Variants in LRRC4C observed in about 807,000 individuals in gnomAD.
LRRC4C encodes leucine-rich repeat-containing protein 4C.
In LRRC4C, 5 loss-of-function variants were observed where a neutral mutation model predicts 33.6. The ratio of observed to expected loss-of-function variants is 0.15; its 90% CI spans 0.08 to 0.31. The LOEUF (loss-of-function observed/expected upper bound fraction) is 0.31, where lower values mean the gene tolerates loss of function less well. LRRC4C is among the 10% of genes least tolerant of loss of function. LRRC4C has a pLI of 1.00. For synonymous variants in LRRC4C, 329 were observed against 302.0 expected (o/e 1.09, Z -0.93); for missense variants, 560 against 796.7 (o/e 0.70, Z 3.58).
At chr11:41,080,567 G>A (rs1939499571) in intron 1 of LRRC4C, among the ~76,000 whole-genome samples, 1 of 151,894 alleles carries the variant, frequency 6.6e-6, no homozygotes, top group African/African-American at 2.4e-5. Context: ...TGGTCAGGCT[G>A]GTCTCGAACT....
At chr11:41,215,014 GTA>G (rs34328057) in intron 1 of LRRC4C, among the ~76,000 whole-genome samples, 22,656 of 130,870 alleles carry the variant, frequency 0.17, 2,293 homozygotes, top group East Asian at 0.43. Flanking sequence ...TTTTATTCAT[GTA>G]TATATATATA....
chr11:41,092,985 A>T (rs964919397), intron 1 of LRRC4C, among the ~76,000 whole-genome samples: 6 of 152,250 alleles, frequency 3.9e-5, no homozygotes, highest in Non-Finnish European at 8.8e-5. Flanking sequence ...ATATATGGAA[A>T]GTACTTCATC....
intron 1 of LRRC4C, among the ~76,000 whole-genome samples, chr11:41,316,281 A>AAAAAAAAAAAAAAAAAAAAAG: frequency 1.4e-5 from 2 of 147,196 alleles, no homozygotes; most frequent in African/African-American, 2.6e-5. Context: ...AAAAAAAAAC[A>AAAAAAAAAAAAAAAAAAAAAG]AAAAAAAACA....
At chr11:41,023,768 T>C (rs999725996) in intron 1 of LRRC4C, among the ~76,000 whole-genome samples, 1 of 151,808 alleles carries the variant, frequency 6.6e-6, no homozygotes, top group African/African-American at 2.4e-5. Context: ...ATTAATTGCT[T>C]ATGTTGAAAA....
chr11:41,435,422 T>A (rs1305223960), intron 1 of LRRC4C, among the ~76,000 whole-genome samples: 1 of 152,200 alleles, frequency 6.6e-6, no homozygotes, highest in Non-Finnish European at 1.5e-5. Flanking sequence ...GGTCTCATAA[T>A]CTATTACTAA....
chr11:41,080,552 C>T (rs1012828169), intron 1 of LRRC4C, among the ~76,000 whole-genome samples: 3 of 151,910 alleles, frequency 2.0e-5, no homozygotes, highest in Admixed American at 6.6e-5. Flanking sequence ...GGAGTTTCTC[C>T]ATGGTGGTCA....
chr11:40,666,366 T>G (rs1591414111), intron 2 of LRRC4C, among the ~76,000 whole-genome samples: 1 of 152,200 alleles, frequency 6.6e-6, no homozygotes, highest in Non-Finnish European at 1.5e-5. Flanking sequence ...TAGTAGTTAC[T>G]TCTATCCTGG....
rs758028652 is a variant in LRRC4C, at chr11:41,146,655, C to T, written c.-495-212932G>A. Among the ~76,000 whole-genome samples the T allele has an allele frequency of 3.3e-5, 5 of 152,292 alleles. 1 individual carries two copies. In the South Asian group the frequency reaches 8.3e-4, roughly 25 times the overall value. Reference sequence around the variant, plus strand: ...TCTTGGAATACCCTCCTTCCTCCCGCCTGCCACAAAAGAAAAATTTGTCCT... The same window carrying T: ...TCTTGGAATACCCTCCTTCCTCCCGTCTGCCACAAAAGAAAAATTTGTCCT... On this transcript the variant is annotated intron_variant, in intron 1 of 6. Transcript: ENST00000528697.
chr11:41,226,833 A>C (rs956756893), intron 1 of LRRC4C, among the ~76,000 whole-genome samples: 1 of 151,716 alleles, frequency 6.6e-6, no homozygotes, highest in African/African-American at 2.4e-5. Context: ...AACTACTTAA[A>C]ATAGTCCACA....
intron 1 of LRRC4C, among the ~76,000 whole-genome samples, chr11:41,042,330 T>G (rs56230635): frequency 0.069 from 10,496 of 152,208 alleles, 448 homozygotes; most frequent in African/African-American, 0.11. Flanking sequence ...TATTTGTCAG[T>G]TGATATACAC....
In LRRC4C at chr11:40,566,969, G is replaced by C. The variant is rs1243870404; in HGVS notation, c.-270+81173C>G. Among the ~76,000 whole-genome samples, 8 of 152,162 alleles carry C rather than the reference G, an allele frequency of 5.3e-5. No homozygotes were observed. The East Asian group carries it at 1.5e-3, about 29-fold the overall frequency. ...CTTAGGTCATTTATACTAGTCATCT[G>C]TTTGCTTAGTACTTATTATAGTTCT... On this transcript the variant is annotated intron_variant, in intron 3 of 6. Coordinates refer to ENST00000528697, the MANE Select transcript of LRRC4C (RefSeq NM_001258419.2).
rs532868952 is a variant in LRRC4C at position 40,655,796 on chromosome 11, A to G, written c.-406-7518T>C. On this transcript the variant is annotated intron_variant, in intron 2 of 6. Transcript: ENST00000528697. ...ACACTGCTATAAAGACTTATCTGAA[A>G]CTGGAAAAGACAAAGGATGTTTAAT... Among the ~76,000 whole-genome samples the G allele has an allele frequency of 2.6e-5, 4 of 152,342 alleles. No individual in the cohort carries two copies. The South Asian group carries it at 8.3e-4, about 32-fold the overall frequency.
intron 3 of LRRC4C, among the ~76,000 whole-genome samples, chr11:40,360,801 G>A (rs1382322747): frequency 5.9e-5 from 9 of 152,044 alleles, no homozygotes; most frequent in African/African-American, 2.2e-4. Flanking sequence ...AACAAAAAAA[G>A]AAAAGTTGAG....
intron 2 of LRRC4C, among the ~76,000 whole-genome samples, chr11:40,911,086 GGCCT>G (rs1565194049): frequency 2.0e-5 from 3 of 152,318 alleles, no homozygotes; most frequent in Middle Eastern, 3.4e-3. Context: ...AGCTCAAGGA[GGCCT>G]GCCTGCCTCT....
chr11:41,273,814 T>C (rs991901017), intron 1 of LRRC4C, among the ~76,000 whole-genome samples: 1 of 152,216 alleles, frequency 6.6e-6, no homozygotes, highest in Non-Finnish European at 1.5e-5. Context: ...ACCTTAATTA[T>C]GGTGATGGCA....
chr11:41,261,913 A>G (rs1948993293), intron 1 of LRRC4C, among the ~76,000 whole-genome samples: 1 of 152,146 alleles, frequency 6.6e-6, no homozygotes, highest in Non-Finnish European at 1.5e-5. Flanking sequence ...GCTGGAAGAA[A>G]TAAAAGTGTG....
intron 1 of LRRC4C, among the ~76,000 whole-genome samples, chr11:41,397,157 T>C (rs1953851006): frequency 2.6e-5 from 4 of 151,950 alleles, no homozygotes; most frequent in African/African-American, 4.8e-5. Context: ...TTTTGAACCA[T>C]AAAGCAGTTG....
At chr11:40,201,880 T>C (rs7951924) in intron 5 of LRRC4C, among the ~76,000 whole-genome samples, 9,558 of 152,212 alleles carry the variant, frequency 0.063, 596 homozygotes, top group African/African-American at 0.16. Context: ...CCACCTCGCA[T>C]GGCCCTCACT....
chr11:41,288,101 C>T (rs559713239), intron 1 of LRRC4C, among the ~76,000 whole-genome samples: 1 of 152,330 alleles, frequency 6.6e-6, no homozygotes, highest in East Asian at 1.9e-4. Flanking sequence ...TTATCAGACA[C>T]ATTCCTTGTC....
Sources: gnomAD v4.1 joint callset for allele counts (sites outside exome capture counted in the v4.1 genomes callset) on GRCh38, gnomAD v4.1.1 for gene constraint, MANE v1.5 for transcripts, NCBI Gene and HGNC (gene_info 2026-07-23, HGNC 2026-07-21) for gene names.